MBNL2: variants seen among roughly 807,000 people sequenced by gnomAD.
MBNL2 encodes muscleblind-like protein 2.
Under a neutral mutation model 41.9 loss-of-function variants are expected in MBNL2, and 17 were observed. The observed-to-expected ratio is 0.41, with a 90% CI of 0.28 to 0.61. The LOEUF is 0.61. Ranked by LOEUF, MBNL2 falls within the 20% of genes least tolerant of loss-of-function variation. The pLI is 0.35. For missense variants in MBNL2, 336 were observed against 505.6 expected (o/e 0.66, Z 3.22); for synonymous variants, 195 against 182.9 (o/e 1.07, Z -0.53).
At chr13:97,208,720 C>A in the MBNL2 span, among the ~76,000 whole-genome samples, 4 of 152,168 alleles carry the variant, frequency 2.6e-5, no homozygotes, top group Admixed American at 6.5e-5. Context: ...ATGAGATCAA[C>A]CTCTAATAAC....
chr13:97,145,569 T>C, the MBNL2 span, among the ~76,000 whole-genome samples: 1 of 152,242 alleles, frequency 6.6e-6, no homozygotes, highest in Non-Finnish European at 1.5e-5. Flanking sequence ...TGATGTTAAC[T>C]GCATACTTTA....
chr13:97,210,653 T>C, the MBNL2 span, among the ~76,000 whole-genome samples: 2 of 131,444 alleles, frequency 1.5e-5, no homozygotes, highest in African/African-American at 5.8e-5. Flanking sequence ...AGTGCAGTGG[T>C]GCAATCGTGG....
the MBNL2 span, among the ~76,000 whole-genome samples, chr13:97,215,807 G>T: frequency 2.0e-5 from 3 of 152,162 alleles, no homozygotes; most frequent in African/African-American, 7.2e-5. Flanking sequence ...GTGTCATGAA[G>T]CAAGGAAGTT....
the MBNL2 span, among the ~76,000 whole-genome samples, chr13:97,145,551 A>G: frequency 6.6e-6 from 1 of 152,228 alleles, no homozygotes; most frequent in East Asian, 1.9e-4. Flanking sequence ...AAGTGAGGGC[A>G]TGGGCCTTGA....
rs750412868 is a variant in MBNL2 at position 97,346,823 on chromosome 13, G to A, written c.560G>A (p.Arg187Gln). The A allele has an allele frequency of 2.5e-6, 4 of 1,614,008 alleles. No individual in the cohort carries two copies. Among genetic ancestry groups the A allele is most frequent in the Admixed American group, 3.3e-5 (2 of 60,022 alleles). ...TCTTAGGTATGCAGGGAGTTCCAGC[G>A]AGGAAACTGTGCCCGGGGAGAGACC... ...DKLEVCREFQ[R>Q]GNCARGETDC... Residue 187 changes from arginine to glutamine, a missense_variant, in exon 5 of 9, where the codon CGA (arginine) becomes CAA (glutamine). By Grantham distance (43) the Arg-to-Gln change is conservative. Transcript: ENST00000679496. The surrounding 1 kb of genome is among the most constrained non-coding windows in gnomAD (Gnocchi z 4.2).
intron 1 of MBNL2, among the ~76,000 whole-genome samples, chr13:97,244,976 A>G (rs748574433): frequency 4.6e-5 from 7 of 152,216 alleles, no homozygotes; most frequent in Admixed American, 2.0e-4. Flanking sequence ...ATTTTATCTA[A>G]TAATGACCAT....
chr13:97,211,290 G>T, the MBNL2 span, among the ~76,000 whole-genome samples: 7 of 152,248 alleles, frequency 4.6e-5, no homozygotes, highest in Admixed American at 3.9e-4. Context: ...CATTCTATTT[G>T]TAAGTGATTA....
At chr13:97,210,587 T>A in the MBNL2 span, among the ~76,000 whole-genome samples, 1 of 107,536 alleles carries the variant, frequency 9.3e-6, no homozygotes. Flanking sequence ...TTTTTTTTTT[T>A]TTTTTTTTTT....
At position 97,393,463 on chromosome 13, in the gene MBNL2, A is replaced by G. The variant is rs2066438991; in HGVS notation, c.*2014A>G. 6.6e-6 allele frequency: 1 copy of G among 152,366 alleles called. No individual in the cohort carries two copies. The highest frequency in any genetic ancestry group is 1.5e-5 in the Non-Finnish European group (1 of 67,914). 9.4% of individuals were successfully genotyped at this position (152,366 alleles called of 1,614,324 possible). ...ACACAACTATTTTCAGCCCTTTAAT[A>G]ATGGAGCATCAAAAACATCACCTGT... On this transcript the variant is annotated 3_prime_UTR_variant, in exon 9 of 9. Coordinates refer to ENST00000679496, the MANE Select transcript of MBNL2 (RefSeq NM_001382683.1).
intron 7 of MBNL2, among the ~76,000 whole-genome samples, chr13:97,362,407 T>A (rs909162964): frequency 6.6e-6 from 1 of 151,898 alleles, no homozygotes; most frequent in African/African-American, 2.4e-5. Flanking sequence ...AAAATAACAA[T>A]TGAGCATTTT....
chr13:97,203,617 G>A, the MBNL2 span, among the ~76,000 whole-genome samples: 1 of 152,026 alleles, frequency 6.6e-6, no homozygotes, highest in East Asian at 1.9e-4. Context: ...CTCTTGGCAT[G>A]GCCTCCCCTG....
At chr13:97,333,964 AAGGAAGGG>A (rs1180691390) in intron 2 of MBNL2, among the ~76,000 whole-genome samples, 154 of 118,396 alleles carry the variant, frequency 1.3e-3, no homozygotes, top group African/African-American at 4.0e-3. Flanking sequence ...AGAAGGAAGG[AAGGAAGGG>A]AGGGAGGGAG....
At chr13:97,389,832 G>A (rs960002698) in intron 8 of MBNL2, among the ~76,000 whole-genome samples, 2 of 151,914 alleles carry the variant, frequency 1.3e-5, no homozygotes, top group East Asian at 1.9e-4. Flanking sequence ...ACTAGGGTGC[G>A]TTCTTATTTG....
chr13:97,237,499 C>T (rs1161127103), intron 1 of MBNL2, among the ~76,000 whole-genome samples: 1 of 152,202 alleles, frequency 6.6e-6, no homozygotes, highest in East Asian at 1.9e-4. Context: ...GTAAATAAAT[C>T]ACCATGGTGA....
At chr13:97,225,849 C>T (rs970147518) in intron 1 of MBNL2, among the ~76,000 whole-genome samples, 8 of 152,264 alleles carry the variant, frequency 5.3e-5, no homozygotes, top group South Asian at 2.1e-4. Flanking sequence ...GCATCCTTTC[C>T]GGAAGGGTCG....
At chr13:97,324,066 G>A (rs191656168) in intron 2 of MBNL2, among the ~76,000 whole-genome samples, 7 of 151,622 alleles carry the variant, frequency 4.6e-5, no homozygotes, top group East Asian at 1.9e-4. Flanking sequence ...CCACCTCCTC[G>A]CTCCAAATGG....
chr13:97,270,019 A>T (rs1594124541), intron 1 of MBNL2, among the ~76,000 whole-genome samples: 2 of 152,388 alleles, frequency 1.3e-5, no homozygotes, highest in South Asian at 4.1e-4. Context: ...TACAGGCAGG[A>T]ACTATTATCG....
At chr13:97,260,576 ACT>A (rs1344743276) in intron 1 of MBNL2, among the ~76,000 whole-genome samples, 3 of 152,214 alleles carry the variant, frequency 2.0e-5, no homozygotes, top group Admixed American at 6.5e-5. Flanking sequence ...AAGTGGTCAG[ACT>A]CTGGCGCCGT....
At position 97,335,048 on chromosome 13, in the gene MBNL2, T is replaced by A. The variant is rs112348379; in HGVS notation, c.339+608T>A. Among the ~76,000 whole-genome samples the A allele has an allele frequency of 4.3e-3, 662 of 152,298 alleles. 8 individuals carry two copies. The highest frequency in any genetic ancestry group is 0.015 in the African/African-American group (637 of 41,564). On this transcript the variant is annotated intron_variant, in intron 3 of 8. Transcript: ENST00000679496. ...GAGTGACTTAGGTCTCAACCTGCCT[T>A]TCAGAGGCCTGCAAAAGCTGTGACA...
Sources: gnomAD v4.1 joint callset for allele counts (sites outside exome capture counted in the v4.1 genomes callset) on GRCh38, gnomAD v4.1.1 for gene constraint, Gnocchi (gnomAD v3.1) non-coding constraint, MANE v1.5 for transcripts, NCBI Gene and HGNC (gene_info 2026-07-23, HGNC 2026-07-21) for gene names.